DRC12: variants seen among roughly 807,000 people sequenced by gnomAD.
DRC12 encodes dynein regulatory complex protein 12.
chr11:119,190,372 C>A, the DRC12 span: 13 of 1,613,920 alleles, frequency 8.1e-6, no homozygotes, highest in Non-Finnish European at 1.1e-5. This position sits in a 1 kb window ranked among gnomAD's most constrained non-coding sequence, Gnocchi z 4.2. Flanking sequence ...GCTCCTTGTG[C>A]CTGGCGTGAA....
chr11:119,194,536 A>T, the DRC12 span, among the ~76,000 whole-genome samples: 14 of 140,424 alleles, frequency 1.0e-4, no homozygotes, highest in African/African-American at 3.3e-4. Context: ...AAAAAAAAAA[A>T]AAAAAAAAAT....
the DRC12 span, among the ~76,000 whole-genome samples, chr11:119,191,730 C>T: frequency 4.0e-5 from 6 of 151,662 alleles, no homozygotes; most frequent in East Asian, 4.0e-4. Flanking sequence ...ATTGCTTGAA[C>T]GTAGGAGGTG....
the DRC12 span, chr11:119,190,375 G>C: frequency 6.2e-7 from 1 of 1,613,830 alleles, no homozygotes; most frequent in Non-Finnish European, 8.5e-7. The surrounding 1 kb of genome is among the most constrained non-coding windows in gnomAD (Gnocchi z 4.2). Flanking sequence ...CCTTGTGCCT[G>C]GCGTGAAGTC....
At chr11:119,194,542 A>AAAAAAAAAAAAT in the DRC12 span, among the ~76,000 whole-genome samples, 1 of 48,146 alleles carries the variant, frequency 2.1e-5, no homozygotes, top group African/African-American at 8.7e-5. Flanking sequence ...AAAAAAAAAA[A>AAAAAAAAAAAAT]AAATAAATAA....
chr11:119,195,085 C>T, the DRC12 span: 1 of 1,099,440 alleles, frequency 9.1e-7, no homozygotes, highest in Non-Finnish European at 1.3e-6. Flanking sequence ...GCACTTTTGC[C>T]ACAGCAGACC....
chr11:119,193,249 G>T, the DRC12 span: 2 of 1,612,872 alleles, frequency 1.2e-6, no homozygotes, highest in Non-Finnish European at 1.7e-6. Context: ...CATCTCTGGG[G>T]TGGGGGCAGT....
the DRC12 span, among the ~76,000 whole-genome samples, chr11:119,191,581 C>T: frequency 6.6e-5 from 10 of 151,640 alleles, no homozygotes; most frequent in African/African-American, 2.2e-4. Flanking sequence ...CCGAGGAGGG[C>T]GGATTACCTG....
the DRC12 span, chr11:119,194,014 G>A: frequency 1.1e-6 from 1 of 914,386 alleles, no homozygotes; most frequent in East Asian, 2.8e-5. Context: ...CTCTCTCTCT[G>A]GGTTTTGTTG....
chr11:119,191,386 C>CCG, the DRC12 span, among the ~76,000 whole-genome samples: 79 of 152,036 alleles, frequency 5.2e-4, 1 homozygote, highest in South Asian at 9.6e-3. Context: ...GTGTGAGCCA[C>CCG]CGCGGCTGGC....
At chr11:119,192,586 G>A in the DRC12 span, among the ~76,000 whole-genome samples, 5 of 152,198 alleles carry the variant, frequency 3.3e-5, no homozygotes, top group African/African-American at 9.6e-5. Flanking sequence ...TGGCAGTGGT[G>A]GGGAGTTAGG....
chr11:119,191,843 C>T, the DRC12 span, among the ~76,000 whole-genome samples: 4 of 151,980 alleles, frequency 2.6e-5, no homozygotes, highest in African/African-American at 9.7e-5. Context: ...ATCCCCAAAA[C>T]AACAACAGCA....
At chr11:119,191,253 C>T in the DRC12 span, among the ~76,000 whole-genome samples, 4 of 151,920 alleles carry the variant, frequency 2.6e-5, no homozygotes, top group Admixed American at 6.6e-5. Flanking sequence ...GCACATGCCA[C>T]CATGCCCAGC....
the DRC12 span, among the ~76,000 whole-genome samples, chr11:119,191,104 C>CT: frequency 1.4e-3 from 207 of 143,470 alleles, 1 homozygote; most frequent in East Asian, 0.014. Context: ...GTGTCTTCAT[C>CT]TTTTTTTTTT....
At chr11:119,194,436 C>T in the DRC12 span, among the ~76,000 whole-genome samples, 1 of 137,064 alleles carries the variant, frequency 7.3e-6, no homozygotes, top group African/African-American at 2.7e-5. Flanking sequence ...ATCGCTTGAA[C>T]CTGGGAGGCA....
At chr11:119,195,227 G>T in the DRC12 span, 5 of 636,062 alleles carry the variant, frequency 7.9e-6, no homozygotes, top group African/African-American at 9.2e-5. Context: ...GAGCTAGATG[G>T]GGCTTAAAGG....
chr11:119,194,542 A>AT, the DRC12 span, among the ~76,000 whole-genome samples: 2,476 of 45,490 alleles, frequency 0.054, 24 homozygotes, highest in Admixed American at 0.065. Flanking sequence ...AAAAAAAAAA[A>AT]AAATAAATAA....
chr11:119,194,845 C>G, the DRC12 span: 1 of 1,142,484 alleles, frequency 8.8e-7, no homozygotes, highest in African/African-American at 1.5e-5. Flanking sequence ...ACCTCCAACT[C>G]TCCAATCCCC....
At chr11:119,190,441 G>A in the DRC12 span, 1 of 1,614,016 alleles carries the variant, frequency 6.2e-7, no homozygotes, top group Admixed American at 1.7e-5. The surrounding 1 kb of genome is among the most constrained non-coding windows in gnomAD (Gnocchi z 4.2). Context: ...CCAAGAGCCT[G>A]TCCAGACTGT....
chr11:119,190,274 C>T, the DRC12 span: 1 of 1,613,972 alleles, frequency 6.2e-7, no homozygotes, highest in East Asian at 2.2e-5. The surrounding 1 kb of genome is among the most constrained non-coding windows in gnomAD (Gnocchi z 4.2). Context: ...CATCAAGACA[C>T]TTTATTGCTG....
Sources: gnomAD v4.1 joint callset for allele counts (sites outside exome capture counted in the v4.1 genomes callset) on GRCh38, gnomAD v4.1.1 for gene constraint, Gnocchi (gnomAD v3.1) non-coding constraint, MANE v1.5 for transcripts, NCBI Gene and HGNC (gene_info 2026-07-23, HGNC 2026-07-21) for gene names.